Variants in ACBD6 observed in about 807,000 individuals in gnomAD.
ACBD6 encodes the protein acyl-CoA-binding domain-containing protein 6.
A neutral mutation model predicts 37.2 loss-of-function variants in ACBD6; 28 were observed. That is an observed-to-expected ratio of 0.75 (90% CI 0.56 to 1.03). The LOEUF is 1.03. Ranked by LOEUF, ACBD6 falls within the 50% of genes least tolerant of loss-of-function variation. The pLI, the probability that ACBD6 is intolerant of heterozygous loss-of-function variation, is 0.00. For synonymous variants in ACBD6, 113 were observed against 126.8 expected, an observed-to-expected ratio of 0.89 and a Z score of 0.73; for missense variants, 340 against 337.4, an observed-to-expected ratio of 1.01 and a Z score of -0.06.
intron 6 of ACBD6, among the ~76,000 whole-genome samples, chr1:180,331,676 A>G (rs1651486139): frequency 6.6e-6 from 1 of 152,246 alleles, no homozygotes; most frequent in African/African-American, 2.4e-5. Flanking sequence ...CAATATAACA[A>G]TGCTACAGCA....
intron 3 of ACBD6, among the ~76,000 whole-genome samples, chr1:180,460,424 G>A (rs1650097355): frequency 6.6e-6 from 1 of 152,180 alleles, no homozygotes; most frequent in Non-Finnish European, 1.5e-5. Flanking sequence ...ATGAAAGTGA[G>A]GCTAGACTGC....
At chr1:180,279,166 G>A (rs543747936) in intron 9 of ACBD6, among the ~76,000 whole-genome samples, 1 of 152,150 alleles carries the variant, frequency 6.6e-6, no homozygotes, top group African/African-American at 2.4e-5. Context: ...CTCAATAAAG[G>A]ACTGATTAGA....
chr1:180,467,786 T>G (rs1319786663), intron 3 of ACBD6, among the ~76,000 whole-genome samples: 2 of 151,702 alleles, frequency 1.3e-5, no homozygotes, highest in South Asian at 2.1e-4. Flanking sequence ...TTTCACTGTA[T>G]GATATATCAT....
chr1:180,274,037 A>G, exon 11 of ACBD6: 2 of 932,354 alleles, frequency 2.1e-6, no homozygotes, highest in South Asian at 2.8e-5. Flanking sequence ...TCAGGCTGCC[A>G]TATTGGTGTG....
At chr1:180,347,317 G>A (rs563240526) in intron 6 of ACBD6, among the ~76,000 whole-genome samples, 1 of 148,888 alleles carries the variant, frequency 6.7e-6, no homozygotes, top group African/African-American at 2.5e-5. Context: ...GGAAGAGTAT[G>A]AGAAAATTAT....
At chr1:180,318,716 T>C (rs1235524529) in intron 6 of ACBD6, among the ~76,000 whole-genome samples, 1 of 152,184 alleles carries the variant, frequency 6.6e-6, no homozygotes, top group African/African-American at 2.4e-5. Flanking sequence ...AAACTCTCTA[T>C]GCCAATTCTG....
intron 3 of ACBD6, among the ~76,000 whole-genome samples, chr1:180,476,717 T>G (rs1204752553): frequency 1.3e-5 from 2 of 152,024 alleles, no homozygotes; most frequent in Non-Finnish European, 1.5e-5. Flanking sequence ...TCCCAGCTAC[T>G]CGGGAGGCTG....
At chr1:180,270,207 A>G (rs1250203737) in exon 14 of ACBD6, 1 of 152,268 alleles carries the variant, frequency 6.6e-6, no homozygotes, top group African/African-American at 2.4e-5. Context: ...ATGCATATAA[A>G]GTCCTTAGTC....
At chr1:180,380,291 A>G (rs1653591587) in intron 6 of ACBD6, among the ~76,000 whole-genome samples, 1 of 146,784 alleles carries the variant, frequency 6.8e-6, no homozygotes, top group South Asian at 2.2e-4. Context: ...AAACAAACAA[A>G]GAACAATCAA....
In ACBD6 at chr1:180,479,738, C is replaced by T. The variant is rs1468077140; in HGVS notation, c.384+12531G>A. 2.6e-5 allele frequency among the ~76,000 whole-genome samples: 4 copies of T among 151,968 alleles called. No homozygotes were observed. The East Asian group carries it at 7.7e-4, about 29-fold the overall frequency. Reference sequence around the variant, plus strand: ...CAGTATGGCAGGTACGCCTGTAATCCCAGCACTTTGAGGCGGAGGCGGGTG... The same window carrying T: ...CAGTATGGCAGGTACGCCTGTAATCTCAGCACTTTGAGGCGGAGGCGGGTG... On this transcript the variant is annotated intron_variant, in intron 3 of 7. Transcript: ENST00000367595.
At chr1:180,455,942 C>T (rs758136237) in intron 3 of ACBD6, among the ~76,000 whole-genome samples, 10 of 151,976 alleles carry the variant, frequency 6.6e-5, no homozygotes, top group Middle Eastern at 3.2e-3. Flanking sequence ...CAGACTTATT[C>T]GAGTCAGTCC....
At chr1:180,424,634 C>A (rs1648510312) in intron 4 of ACBD6, among the ~76,000 whole-genome samples, 1 of 152,040 alleles carries the variant, frequency 6.6e-6, no homozygotes, top group South Asian at 2.1e-4. Flanking sequence ...CACATACATA[C>A]ACACACCAAA....
At chr1:180,473,802 A>T (rs78022243) in intron 3 of ACBD6, among the ~76,000 whole-genome samples, 269 of 152,298 alleles carry the variant, frequency 1.8e-3, no homozygotes, top group African/African-American at 6.0e-3. Flanking sequence ...GCACAGAGAG[A>T]TTAAACCCAC....
chr1:180,434,836 T>C, intron 3 of ACBD6: 1 of 737,070 alleles, frequency 1.4e-6, no homozygotes, highest in South Asian at 1.4e-5. Context: ...TCTTGGCAAA[T>C]CTGCCAGGGA....
chr1:180,502,419 T>C lies in ACBD6; in HGVS notation c.-153A>G. The C allele has an allele frequency of 1.2e-6, 1 of 803,146 alleles. No individual in the cohort carries two copies. Among genetic ancestry groups the C allele is most frequent in the Non-Finnish European group, 2.1e-6 (1 of 477,428 alleles). 49.8% of individuals were successfully genotyped at this position (803,146 alleles called of 1,614,324 possible). ...CGCGGCGCGCTCCCTCACGTGACCC[T>C]GCTCCCTGCCCACTTCTACTCCCTG... On this transcript the variant is annotated 5_prime_UTR_variant, in exon 1 of 8. Coordinates refer to ENST00000367595, the MANE Select transcript of ACBD6 (RefSeq NM_032360.4).
chr1:180,394,216 C>T (rs1654175860), intron 6 of ACBD6, among the ~76,000 whole-genome samples: 1 of 152,036 alleles, frequency 6.6e-6, no homozygotes, highest in Non-Finnish European at 1.5e-5. Flanking sequence ...ACCACAGCCT[C>T]CAGAGTAGTT....
rs550384730 is a variant in ACBD6, at chr1:180,449,594, G to A, written c.385-19332C>T. On this transcript the variant is annotated intron_variant, in intron 3 of 7. Transcript: ENST00000367595. Reference sequence around the variant, plus strand: ...GGCTAGTTTTTGTATTTTCAGTAGCGACAAGGTTTCACCATGTTGGCCAGG... The same window carrying A: ...GGCTAGTTTTTGTATTTTCAGTAGCAACAAGGTTTCACCATGTTGGCCAGG... 3.3e-5 allele frequency among the ~76,000 whole-genome samples: 5 copies of A among 151,876 alleles called. No homozygotes were observed. In the South Asian group the frequency reaches 6.2e-4, roughly 19 times the overall value.
chr1:180,272,069 C>T (rs1648706094), intron 13 of ACBD6: 1 of 1,486,888 alleles, frequency 6.7e-7, no homozygotes, highest in African/African-American at 1.4e-5. Context: ...TCTGTAATCC[C>T]TGGCACTCAG....
intron 4 of ACBD6, among the ~76,000 whole-genome samples, chr1:180,426,961 T>C (rs1037224614): frequency 5.9e-5 from 9 of 152,186 alleles, no homozygotes; most frequent in African/African-American, 1.2e-4. Flanking sequence ...CCCTCAATTA[T>C]ATTACAGAAC....
Sources: allele counts gnomAD v4.1 joint callset (sites outside exome capture counted in the v4.1 genomes callset), GRCh38; gene constraint gnomAD v4.1.1; transcripts MANE v1.5; gene names NCBI Gene and HGNC (gene_info 2026-07-23, HGNC 2026-07-21).